The following GALNTL6 variants were observed in gnomAD, a reference collection of about 807,000 sequenced individuals.
GALNTL6 encodes polypeptide N-acetylgalactosaminyltransferase like 6.
GALNTL6 carries 46 observed loss-of-function variants against 73.7 expected under a neutral mutation model. That is an observed-to-expected ratio of 0.62 (90% CI 0.49 to 0.80). GALNTL6 has a LOEUF of 0.80. Among genes scored for constraint, GALNTL6 ranks in the 30% least tolerant of loss-of-function variants. The probability of loss-of-function intolerance (pLI) is 0.00; values close to 1 mark genes in which losing one functional copy is unlikely to be tolerated. For synonymous variants in GALNTL6, 259 were observed against 263.7 expected, an observed-to-expected ratio of 0.98 and a Z score of 0.17; for missense variants, 604 against 755.0, an observed-to-expected ratio of 0.80 and a Z score of 2.34.
intron 2 of GALNTL6, among the ~76,000 whole-genome samples, chr4:172,091,200 T>G (rs1308728391): frequency 6.6e-6 from 1 of 152,202 alleles, no homozygotes; most frequent in East Asian, 1.9e-4. Flanking sequence ...GCAAAATGTT[T>G]CATCCTTGGC....
Position 172,685,389 on chromosome 4 carries a change from G to A in GALNTL6, c.554-123972G>A, listed in dbSNP as rs564416870. Among the ~76,000 whole-genome samples the A allele has an allele frequency of 2.0e-5, 3 of 152,236 alleles. No homozygotes were observed. The East Asian group carries it at 5.8e-4, about 29-fold the overall frequency. On this transcript the variant is annotated intron_variant, in intron 5 of 12. Transcript: ENST00000506823. ...AACTGAGCCAATACAGCTCTCAGGA[G>A]AGATCTATAGAAAATGTATCCCCTT...
chr4:171,915,778 G>C (rs896290451), intron 2 of GALNTL6, among the ~76,000 whole-genome samples: 1 of 152,098 alleles, frequency 6.6e-6, no homozygotes, highest in Non-Finnish European at 1.5e-5. Context: ...TTAAGGGTCA[G>C]AAAGCCTCAT....
At chr4:172,966,914 T>C (rs576055121) in intron 10 of GALNTL6, among the ~76,000 whole-genome samples, 3 of 152,314 alleles carry the variant, frequency 2.0e-5, no homozygotes, top group African/African-American at 7.2e-5. Context: ...GTCTCTTACA[T>C]TCACAGGAGA....
At chr4:172,914,943 T>C (rs990757163) in intron 8 of GALNTL6, among the ~76,000 whole-genome samples, 3 of 152,186 alleles carry the variant, frequency 2.0e-5, no homozygotes, top group Non-Finnish European at 2.9e-5. Flanking sequence ...CAACAGAATA[T>C]ACATTCTTCT....
chr4:171,828,587 G>A (rs187069784), intron 2 of GALNTL6, among the ~76,000 whole-genome samples: 7 of 152,182 alleles, frequency 4.6e-5, no homozygotes, highest in South Asian at 4.1e-4. Flanking sequence ...AATGCAGTAC[G>A]CTACATGTCT....
chr4:172,238,525 T>C (rs767735938), intron 3 of GALNTL6, among the ~76,000 whole-genome samples: 3 of 150,824 alleles, frequency 2.0e-5, no homozygotes, highest in Non-Finnish European at 4.5e-5. Flanking sequence ...TTTCTAGTTA[T>C]GAAATTATAT....
At chr4:171,943,920 T>TCATACG (rs74281536) in intron 2 of GALNTL6, among the ~76,000 whole-genome samples, 1 of 151,482 alleles carries the variant, frequency 6.6e-6, no homozygotes, top group Admixed American at 6.6e-5. Context: ...ATAATTTTCT[T>TCATACG]AAGTTAAGTG....
chr4:172,955,598 CTTT>C (rs1277655840), intron 10 of GALNTL6, among the ~76,000 whole-genome samples: 2 of 152,050 alleles, frequency 1.3e-5, no homozygotes. Flanking sequence ...TTAAAATAAG[CTTT>C]TTATTTTGGA....
intron 5 of GALNTL6, among the ~76,000 whole-genome samples, chr4:172,729,264 C>T (rs529741173): frequency 1.2e-4 from 18 of 151,798 alleles, no homozygotes; most frequent in Admixed American, 4.6e-4. Flanking sequence ...TTTTCTTGGT[C>T]GCCTGTGCTT....
chr4:172,663,098 G>A (rs1448536056), intron 5 of GALNTL6, among the ~76,000 whole-genome samples: 3 of 152,122 alleles, frequency 2.0e-5, no homozygotes, highest in South Asian at 2.1e-4. Flanking sequence ...TGTGGAGGGT[G>A]GAGAATGGTT....
intron 2 of GALNTL6, among the ~76,000 whole-genome samples, chr4:171,919,575 G>A (rs1238954633): frequency 1.3e-5 from 2 of 151,948 alleles, no homozygotes; most frequent in East Asian, 3.9e-4. Flanking sequence ...CTTAGTGGCA[G>A]GATACTTATA....
chr4:172,287,180 T>C (rs1739288195), intron 3 of GALNTL6, among the ~76,000 whole-genome samples: 1 of 152,182 alleles, frequency 6.6e-6, no homozygotes, highest in African/African-American at 2.4e-5. Context: ...TTCAGTTATT[T>C]AAATTAAGAG....
At chr4:172,517,749 A>G (rs1171850353) in intron 5 of GALNTL6, among the ~76,000 whole-genome samples, 2 of 152,110 alleles carry the variant, frequency 1.3e-5, no homozygotes, top group African/African-American at 2.4e-5. Flanking sequence ...TTAACACTTG[A>G]TGCTGAGATT....
At chr4:172,292,112 T>A (rs1955282) in intron 3 of GALNTL6, among the ~76,000 whole-genome samples, 5 of 151,806 alleles carry the variant, frequency 3.3e-5, no homozygotes, top group Non-Finnish European at 7.4e-5. Context: ...ACATGTATTG[T>A]GTATCAAGTG....
intron 2 of GALNTL6, among the ~76,000 whole-genome samples, chr4:172,059,763 T>A (rs1731139183): frequency 6.6e-6 from 1 of 152,200 alleles, no homozygotes. Context: ...TTATTTGAAG[T>A]TTTAGTCAAA....
At chr4:172,066,060 C>T (rs562708286) in intron 2 of GALNTL6, among the ~76,000 whole-genome samples, 1 of 152,346 alleles carries the variant, frequency 6.6e-6, no homozygotes, top group East Asian at 1.9e-4. Flanking sequence ...CCACAAGATA[C>T]ATTTGTTACA....
intron 7 of GALNTL6, among the ~76,000 whole-genome samples, chr4:172,876,289 C>T (rs1015719371): frequency 2.0e-5 from 3 of 152,032 alleles, no homozygotes; most frequent in African/African-American, 7.2e-5. Flanking sequence ...AAATTTGTAC[C>T]ATGATTTATA....
intron 6 of GALNTL6, among the ~76,000 whole-genome samples, chr4:172,812,748 T>A (rs1219636715): frequency 6.6e-6 from 1 of 152,214 alleles, no homozygotes; most frequent in Non-Finnish European, 1.5e-5. Flanking sequence ...TAACAAGTTA[T>A]TTAATTTCCC....
chr4:172,625,864 T>C (rs1739147757), intron 5 of GALNTL6, among the ~76,000 whole-genome samples: 1 of 152,064 alleles, frequency 6.6e-6, no homozygotes, highest in Non-Finnish European at 1.5e-5. Context: ...TACCTTTTAA[T>C]GGGATTTTTT....
Sources: allele counts gnomAD v4.1 joint callset (sites outside exome capture counted in the v4.1 genomes callset), GRCh38; gene constraint gnomAD v4.1.1; transcripts MANE v1.5; gene names NCBI Gene and HGNC (gene_info 2026-07-23, HGNC 2026-07-21).